The following SGCZ variants were observed in gnomAD, a reference collection of about 807,000 sequenced individuals.
SGCZ encodes sarcoglycan zeta, also known as zeta-sarcoglycan.
Under a neutral mutation model 41.3 loss-of-function variants are expected in SGCZ, and 40 were observed. That is an observed-to-expected ratio of 0.97 (90% CI 0.75 to 1.26). The LOEUF is 1.26. Ranked by LOEUF, SGCZ falls within the 50% of genes most tolerant of loss-of-function variation. SGCZ has a pLI of 0.00. For missense variants in SGCZ, 552 were observed against 369.8 expected (o/e 1.49, Z -4.04); for synonymous variants, 206 against 137.5 (o/e 1.50, Z -3.49).
intron 2 of SGCZ, among the ~76,000 whole-genome samples, chr8:14,406,032 T>C (rs1016449765): frequency 3.9e-5 from 6 of 152,138 alleles, no homozygotes; most frequent in Non-Finnish European, 7.3e-5. Context: ...ACAGCTGTTG[T>C]TAAATCACAG....
At chr8:14,289,435 G>A (rs9643916) in intron 3 of SGCZ, among the ~76,000 whole-genome samples, 108,892 of 151,690 alleles carry the variant, frequency 0.72, 40,208 homozygotes, top group Non-Finnish European at 0.8. Context: ...TCCTTTATGA[G>A]ACAATTGTTC....
chr8:15,206,225 A>C (rs1276125493), intron 1 of SGCZ, among the ~76,000 whole-genome samples: 1 of 152,170 alleles, frequency 6.6e-6, no homozygotes, highest in Non-Finnish European at 1.5e-5. Flanking sequence ...AACAAAAACT[A>C]CTTAGGGCCA....
At chr8:14,884,915 G>C (rs141414547) in intron 1 of SGCZ, among the ~76,000 whole-genome samples, 2 of 151,994 alleles carry the variant, frequency 1.3e-5, no homozygotes, top group African/African-American at 4.8e-5. Context: ...AGACAGGCGC[G>C]TGTGTGTCCC....
chr8:14,467,993 T>G (rs966142178), intron 2 of SGCZ, among the ~76,000 whole-genome samples: 1 of 152,074 alleles, frequency 6.6e-6, no homozygotes, highest in African/African-American at 2.4e-5. Context: ...ATATTGACCA[T>G]TTAATATGGG....
At chr8:14,585,395 AATAAATT>A (rs1378520871) in intron 1 of SGCZ, among the ~76,000 whole-genome samples, 1 of 152,148 alleles carries the variant, frequency 6.6e-6, no homozygotes. Flanking sequence ...TTCTGAAAAT[AATAAATT>A]ATAATGTTTA....
In SGCZ at chr8:14,285,641, T is replaced by C. The variant is rs1800594872; in HGVS notation, c.336+38462A>G. 2.0e-5 allele frequency among the ~76,000 whole-genome samples: 3 copies of C among 152,100 alleles called. No homozygotes were observed. In the South Asian group the frequency reaches 6.2e-4, roughly 31 times the overall value. ...GAAAACAGACCTAGATAAATTGATA[T>C]TTATAAGAGAGGAAACAAAGAAGTC... On this transcript the variant is annotated intron_variant, in intron 3 of 7. Coordinates refer to ENST00000382080, the MANE Select transcript of SGCZ (RefSeq NM_139167.4).
intron 1 of SGCZ, among the ~76,000 whole-genome samples, chr8:14,803,243 AACAGCTCCTGTCT>A (rs920559538): frequency 3.3e-4 from 51 of 152,274 alleles, no homozygotes; most frequent in African/African-American, 1.1e-3. Context: ...GCCGAATAGG[AACAGCTCCTGTCT>A]ACAGCTCCCA....
At chr8:14,774,223 C>G (rs1800333537) in intron 1 of SGCZ, among the ~76,000 whole-genome samples, 1 of 152,146 alleles carries the variant, frequency 6.6e-6, no homozygotes. Flanking sequence ...GCCTGAAGGC[C>G]TTCAGACATG....
rs564542332 is a variant in SGCZ, at chr8:14,613,894, A to C, written c.40-58968T>G. 1.7e-4 allele frequency among the ~76,000 whole-genome samples: 26 copies of C among 151,830 alleles called. No individual in the cohort carries two copies. In the South Asian group the frequency reaches 5.0e-3, roughly 29 times the overall value. On this transcript the variant is annotated intron_variant, in intron 1 of 7. Coordinates refer to ENST00000382080, the MANE Select transcript of SGCZ (RefSeq NM_139167.4). Reference sequence around the variant, plus strand: ...GGTTATCAAAACCAGTAAAAAGTACAAAAAAAAATCAAAATCTAGCAGACG... The same window carrying C: ...GGTTATCAAAACCAGTAAAAAGTACCAAAAAAAATCAAAATCTAGCAGACG...
rs143941621 is a variant in SGCZ at position 15,032,523 on chromosome 8, G to A, written c.39+205062C>T. Among the ~76,000 whole-genome samples the A allele has an allele frequency of 8.7e-4, 133 of 152,180 alleles. 1 individual carries two copies. The highest frequency in any genetic ancestry group is 3.4e-3 in the Middle Eastern group (1 of 294). On this transcript the variant is annotated intron_variant, in intron 1 of 7. Transcript: ENST00000382080. ...GATGCCAGGCTGGGACTTATGGACT[G>A]AGCCCCCAGGTCCACCCTGGTAGAC... is the stretch of plus-strand genomic sequence containing the variant.
chr8:14,706,724 C>G (rs1355952786), intron 1 of SGCZ, among the ~76,000 whole-genome samples: 1 of 152,072 alleles, frequency 6.6e-6, no homozygotes, highest in Non-Finnish European at 1.5e-5. Flanking sequence ...TCTTATAATA[C>G]TAACACTAAA....
At position 14,895,409 on chromosome 8, in the gene SGCZ, G is replaced by GT. The variant is rs1437417134; in HGVS notation, c.40-340484dup. Among the ~76,000 whole-genome samples the GT allele has an allele frequency of 3.9e-5, 6 of 151,914 alleles. No individual in the cohort carries two copies. In the East Asian group the frequency reaches 1.2e-3, roughly 29 times the overall value. Reference sequence around the variant, plus strand: ...CAATTACCAATGCACATCTGTGTGTGTTTTTTTGGGGGTGATACATAACAT... The same window carrying GT: ...CAATTACCAATGCACATCTGTGTGTGTTTTTTTTGGGGGTGATACATAACAT... On this transcript the variant is annotated intron_variant, in intron 1 of 7. Transcript: ENST00000382080.
chr8:15,178,330 G>T (rs1585644069), intron 1 of SGCZ, among the ~76,000 whole-genome samples: 1 of 151,648 alleles, frequency 6.6e-6, no homozygotes, highest in East Asian at 1.9e-4. Context: ...ATTTTACAAT[G>T]TCTAAAAGAC....
chr8:14,878,243 G>A (rs906341173), intron 1 of SGCZ, among the ~76,000 whole-genome samples: 3 of 148,500 alleles, frequency 2.0e-5, no homozygotes, highest in Non-Finnish European at 3.0e-5. Flanking sequence ...ACATTTAAAA[G>A]ACAATTCGAC....
intron 1 of SGCZ, among the ~76,000 whole-genome samples, chr8:14,829,118 T>C (rs1047950891): frequency 1.4e-4 from 19 of 133,842 alleles, no homozygotes; most frequent in African/African-American, 6.5e-4. Context: ...ATGGAGTTTG[T>C]TGTACAGATT....
chr8:15,037,664 G>A (rs1317960115), intron 1 of SGCZ, among the ~76,000 whole-genome samples: 3 of 152,064 alleles, frequency 2.0e-5, no homozygotes, highest in African/African-American at 7.2e-5. Flanking sequence ...CATTCAAATT[G>A]GAAAGTAAGA....
At chr8:14,821,965 A>G (rs1802105702) in intron 1 of SGCZ, among the ~76,000 whole-genome samples, 1 of 152,006 alleles carries the variant, frequency 6.6e-6, no homozygotes, top group African/African-American at 2.4e-5. Context: ...CCTAGCCAGG[A>G]CAATTAGGCA....
intron 1 of SGCZ, among the ~76,000 whole-genome samples, chr8:15,009,491 T>A (rs1802747853): frequency 6.6e-6 from 1 of 152,146 alleles, no homozygotes; most frequent in Non-Finnish European, 1.5e-5. Context: ...ATAAGAAGGT[T>A]TAGACAGAGC....
chr8:15,132,780 C>T (rs1807960490), intron 1 of SGCZ, among the ~76,000 whole-genome samples: 1 of 152,160 alleles, frequency 6.6e-6, no homozygotes, highest in Non-Finnish European at 1.5e-5. Flanking sequence ...CTTCCTCTCT[C>T]TCTTTCTCAT....
Sources: gnomAD v4.1 joint callset for allele counts (sites outside exome capture counted in the v4.1 genomes callset) on GRCh38, gnomAD v4.1.1 for gene constraint, MANE v1.5 for transcripts, NCBI Gene and HGNC (gene_info 2026-07-23, HGNC 2026-07-21) for gene names.